EXOC5: variants seen among roughly 807,000 people sequenced by gnomAD.
EXOC5 encodes exocyst complex component 5, also known as SEC10-like 1.
In EXOC5, 17 loss-of-function variants were observed where a neutral mutation model predicts 90.8. The ratio of observed to expected loss-of-function variants is 0.19; its 90% CI spans 0.13 to 0.28. EXOC5 has a LOEUF of 0.28. Among genes scored for constraint, EXOC5 ranks in the 10% least tolerant of loss-of-function variants. EXOC5 has a pLI of 1.00. For missense variants in EXOC5, 569 were observed against 830.6 expected, an observed-to-expected ratio of 0.69 and a Z score of 3.87; for synonymous variants, 260 against 270.0, an observed-to-expected ratio of 0.96 and a Z score of 0.36.
chr14:57,234,865 T>C (rs1883611935), intron 7 of EXOC5, among the ~76,000 whole-genome samples: 1 of 152,154 alleles, frequency 6.6e-6, no homozygotes, highest in South Asian at 2.1e-4. Flanking sequence ...GCGCCTGGCC[T>C]TCTCTAGCAT....
chr14:57,216,279 GA>G (rs75662960), intron 15 of EXOC5, among the ~76,000 whole-genome samples: 68 of 133,532 alleles, frequency 5.1e-4, no homozygotes, highest in South Asian at 9.7e-4. Context: ...CACAGAAATA[GA>G]AAAAAAAAAA....
intron 14 of EXOC5, among the ~76,000 whole-genome samples, chr14:57,218,445 C>G (rs1883033500): frequency 6.6e-6 from 1 of 151,936 alleles, no homozygotes; most frequent in South Asian, 2.1e-4. Context: ...CTATCATCAC[C>G]AGAGTTTTAA....
intron 12 of EXOC5, among the ~76,000 whole-genome samples, chr14:57,223,548 T>C (rs1883218182): frequency 6.6e-6 from 1 of 152,078 alleles, no homozygotes; most frequent in Non-Finnish European, 1.5e-5. Context: ...TCTACTCCAA[T>C]ATTCACCCTC....
rs889940522 is a variant in EXOC5, at chr14:57,202,852, A to T, written c.*5757T>A. 4 of 149,072 alleles carry T rather than the reference A, an allele frequency of 2.7e-5. No individual in the cohort carries two copies. Among genetic ancestry groups the T allele is most frequent in the Non-Finnish European group, 4.4e-5 (3 of 68,008 alleles). 9.2% of individuals were successfully genotyped at this position (149,072 alleles called of 1,614,324 possible). A position where few individuals can be genotyped will look rare whatever the true frequency, so the allele number is the denominator to read the frequency against. On this transcript the variant is annotated 3_prime_UTR_variant, in exon 18 of 18. Transcript: ENST00000621441. ...GTTGTGTGAATTCTATTTTTAAAATAAAAAAATGTACATATTACTATAAAA... is the reference window on the plus strand; with the variant it reads ...GTTGTGTGAATTCTATTTTTAAAATTAAAAAATGTACATATTACTATAAAA...
rs905537049 is a variant in EXOC5 at position 57,201,737 on chromosome 14, T to G, written c.*6872A>C. 6.6e-6 allele frequency: 1 copy of G among 151,438 alleles called. No homozygotes were observed. The highest frequency in any genetic ancestry group is 1.5e-5 in the Non-Finnish European group (1 of 67,880). 9.4% of individuals were successfully genotyped at this position (151,438 alleles called of 1,614,324 possible). A position where few individuals can be genotyped will look rare whatever the true frequency, so the allele number is the denominator to read the frequency against. ...CCATTTCTACTACAAATAGAAAAATTGGCCAGGCATGGTGGCATGTGCCTG... is the reference window on the plus strand; with the variant it reads ...CCATTTCTACTACAAATAGAAAAATGGGCCAGGCATGGTGGCATGTGCCTG... On this transcript the variant is annotated 3_prime_UTR_variant, in exon 18 of 18. Transcript: ENST00000621441.
At chr14:57,262,298 C>T (rs547746981) in intron 1 of EXOC5, among the ~76,000 whole-genome samples, 104 of 152,210 alleles carry the variant, frequency 6.8e-4, no homozygotes, top group African/African-American at 2.4e-3. Context: ...CCCCATTTTA[C>T]AGATGAGAAA....
intron 2 of EXOC5, among the ~76,000 whole-genome samples, chr14:57,247,218 T>TAAAA (rs1166267148): frequency 6.6e-6 from 1 of 152,148 alleles, no homozygotes; most frequent in Non-Finnish European, 1.5e-5. Context: ...ATAGCCTACT[T>TAAAA]AAAATAGTCA....
chr14:57,248,726 T>C (rs1004030938), intron 1 of EXOC5, among the ~76,000 whole-genome samples: 1 of 152,140 alleles, frequency 6.6e-6, no homozygotes, highest in African/African-American at 2.4e-5. Context: ...GATTACAATT[T>C]GAACTTTTAT....
rs1883562402 is a variant in EXOC5, at chr14:57,233,838, A to C, written c.760T>G (p.Cys254Gly). 6.2e-7 allele frequency: 1 copy of C among 1,609,790 alleles called. No individual in the cohort carries two copies. Among genetic ancestry groups the C allele is most frequent in the Non-Finnish European group, 8.5e-7 (1 of 1,176,334 alleles). ...CCAACTTGTTTGTTCACTCTTTGAC[A>C]GAGTATTCCAGCGTCTTCAAATATA... Reference protein sequence around the residue: ...NDIFEDAGILCQRVNKQVGDI... With the variant: ...NDIFEDAGILGQRVNKQVGDI... The change falls in exon 9 of 18, where the codon TGT becomes GGT. Residue 254 changes from cysteine (C) to glycine (G), a missense_variant. Cys to Gly is a radical substitution (Grantham distance 159). Coordinates refer to ENST00000621441, the MANE Select transcript of EXOC5 (RefSeq NM_006544.4).
intron 7 of EXOC5, among the ~76,000 whole-genome samples, chr14:57,234,733 T>G (rs1407971241): frequency 6.6e-6 from 1 of 151,532 alleles, no homozygotes; most frequent in Admixed American, 6.6e-5. Context: ...TCCGGCTAAT[T>G]TTTGTATTTT....
At chr14:57,226,249 A>G (rs1388972402) in intron 12 of EXOC5, among the ~76,000 whole-genome samples, 2 of 152,186 alleles carry the variant, frequency 1.3e-5, no homozygotes, top group African/African-American at 4.8e-5. Flanking sequence ...GGTTTGCCTG[A>G]TGCATTTCCC....
At chr14:57,247,022 G>A (rs1021839625) in intron 2 of EXOC5, among the ~76,000 whole-genome samples, 164 bp from the exon 3 acceptor site, 8 of 152,110 alleles carry the variant, frequency 5.3e-5, no homozygotes, top group African/African-American at 1.9e-4. Flanking sequence ...TTCATCAAAA[G>A]ATAAAGTCTT....
intron 5 of EXOC5, among the ~76,000 whole-genome samples, chr14:57,238,349 CATATATATATATAT>C (rs146486005): frequency 7.8e-5 from 7 of 89,230 alleles, no homozygotes; most frequent in African/African-American, 1.8e-4. Flanking sequence ...CCTAATTAGA[CATATATATATATAT>C]ATATATATAT....
intron 15 of EXOC5, among the ~76,000 whole-genome samples, chr14:57,217,553 C>T (rs561729139): frequency 4.6e-5 from 7 of 152,082 alleles, no homozygotes; most frequent in Non-Finnish European, 7.4e-5. Flanking sequence ...ACCTAATTGA[C>T]AAATGTAGTG....
In EXOC5 at chr14:57,203,805, T is replaced by C. The variant is rs978917820; in HGVS notation, c.*4804A>G. 2.0e-5 allele frequency: 3 copies of C among 152,608 alleles called. No homozygotes were observed. Among genetic ancestry groups the C allele is most frequent in the South Asian group, 2.1e-4 (1 of 4,838 alleles). 9.5% of individuals were successfully genotyped at this position (152,608 alleles called of 1,614,324 possible). On this transcript the variant is annotated 3_prime_UTR_variant, in exon 18 of 18. Coordinates refer to ENST00000621441, the MANE Select transcript of EXOC5 (RefSeq NM_006544.4). ...TTAGTATCTTGGCTAAAATGAATTA[T>C]TGACAATTTTAATACATGTTGCACA...
At chr14:57,268,475 C>A (rs948930593) in intron 1 of EXOC5, 147 bp downstream of exon 1, 2 of 1,503,366 alleles carry the variant, frequency 1.3e-6, no homozygotes, top group African/African-American at 1.4e-5. Context: ...CGCGCTGACA[C>A]GGAGCTGCCA....
At position 57,232,702 on chromosome 14, in the gene EXOC5, C is replaced by T; in HGVS notation, c.903G>A (p.Glu301=). ...GATCATAGAGATTTTTGAGATATTG[C>T]TCTGCATCGGACTTCCTACATTCTT... The part of the protein sequence containing the change: ...QLEECRKSDA[E]QYLKNLYDLY... Residue 301 remains glutamate (E), a synonymous_variant, in exon 10 of 18, where the codon GAG becomes GAA. Transcript: ENST00000621441. 1.3e-6 allele frequency: 2 copies of T among 1,543,946 alleles called. No homozygotes were observed. The highest frequency in any genetic ancestry group is 1.4e-5 in the African/African-American group (1 of 72,740).
intron 3 of EXOC5, 78 bp from the exon 4 acceptor site, chr14:57,244,437 T>A: frequency 1.1e-6 from 1 of 942,944 alleles, no homozygotes; most frequent in Non-Finnish European, 1.7e-6. Context: ...TTATTGCTAC[T>A]AACTAAAGAT....
At chr14:57,251,804 C>G (rs1190154555) in intron 1 of EXOC5, among the ~76,000 whole-genome samples, 2 of 151,558 alleles carry the variant, frequency 1.3e-5, no homozygotes, top group African/African-American at 2.4e-5. Context: ...AATTGAAAAG[C>G]CTTTAGCTAA....
Sources: allele counts gnomAD v4.1 joint callset (sites outside exome capture counted in the v4.1 genomes callset), GRCh38; gene constraint gnomAD v4.1.1; transcripts MANE v1.5; gene names NCBI Gene and HGNC (gene_info 2026-07-23, HGNC 2026-07-21).